Variants in INTS4 observed in about 807,000 individuals in gnomAD.
INTS4 encodes MSTP093.
A neutral mutation model predicts 119.5 loss-of-function variants in INTS4; 70 were observed. The observed-to-expected ratio is 0.59, with a 90% CI of 0.48 to 0.71. The LOEUF is 0.71. Ranked by LOEUF, INTS4 falls within the 30% of genes least tolerant of loss-of-function variation. The probability of loss-of-function intolerance (pLI) is 0.00; values close to 1 mark genes in which losing one functional copy is unlikely to be tolerated. For synonymous variants in INTS4, 316 were observed against 419.6 expected, an observed-to-expected ratio of 0.75 and a Z score of 3.02; for missense variants, 867 against 1,173.2, an observed-to-expected ratio of 0.74 and a Z score of 3.81.
At chr11:77,923,494 T>C (rs1283146370) in intron 12 of INTS4, among the ~76,000 whole-genome samples, 2 of 152,164 alleles carry the variant, frequency 1.3e-5, no homozygotes, top group African/African-American at 2.4e-5. Context: ...AAAAACATTC[T>C]GATTGATATC....
intron 4 of INTS4, among the ~76,000 whole-genome samples, chr11:77,966,432 G>T (rs535069487): frequency 6.6e-6 from 1 of 152,270 alleles, no homozygotes; most frequent in South Asian, 2.1e-4. Context: ...ACAGTTTCAG[G>T]TCGTATGTTT....
chr11:77,981,620 G>A, intron 2 of INTS4, 44 bp from the exon 3 acceptor site: 1 of 958,288 alleles, frequency 1.0e-6, no homozygotes, highest in Non-Finnish European at 1.6e-6. Flanking sequence ...TTTACACTTA[G>A]CTAACCAACA....
chr11:77,941,311 A>T (rs1206064445), intron 8 of INTS4, 60 bp from the exon 9 acceptor site: 1 of 1,576,618 alleles, frequency 6.3e-7, no homozygotes, highest in African/African-American at 1.4e-5. Context: ...CATTATCTTA[A>T]AATTCAGAGT....
chr11:77,933,513 C>G (rs900558195), intron 10 of INTS4, among the ~76,000 whole-genome samples: 5 of 152,218 alleles, frequency 3.3e-5, no homozygotes, highest in African/African-American at 1.2e-4. Context: ...GACGGAGTCT[C>G]GCTAATTCAG....
chr11:77,964,598 TAAATAA>T (rs984597542), intron 4 of INTS4, among the ~76,000 whole-genome samples: 1 of 150,490 alleles, frequency 6.6e-6, no homozygotes. Context: ...AAATAAAAAA[TAAATAA>T]AAATAAAAAT....
Position 77,911,089 on chromosome 11 carries a change from C to T in INTS4, c.1923-3279G>A, listed in dbSNP as rs1159910112. ...ATGACACTTCCTCCCATCTCATGCT[C>T]GGCAGGTAACGTTACGATAGTTAAC... On this transcript the variant is annotated intron_variant, in intron 15 of 22. Coordinates refer to ENST00000534064, the MANE Select transcript of INTS4 (RefSeq NM_033547.4). The T allele has an allele frequency of 4.7e-6, 6 of 1,285,586 alleles. No individual in the cohort carries two copies. In the African/African-American group the frequency reaches 6.1e-5, roughly 13 times the overall value. The allele number at this position is 1,285,586 out of a possible 1,614,324, so 79.6% of individuals were successfully genotyped here.
At chr11:77,931,926 T>A (rs951672339) in intron 10 of INTS4, among the ~76,000 whole-genome samples, 6 of 152,304 alleles carry the variant, frequency 3.9e-5, no homozygotes, top group African/African-American at 1.4e-4. Context: ...TTACACTTTA[T>A]ACAAAAATTA....
At chr11:77,965,365 T>C (rs1324471180) in intron 4 of INTS4, among the ~76,000 whole-genome samples, 1 of 152,170 alleles carries the variant, frequency 6.6e-6, no homozygotes, top group African/African-American at 2.4e-5. Context: ...CTTAGTTATT[T>C]TTAAATATAC....
intron 2 of INTS4, among the ~76,000 whole-genome samples, chr11:77,986,770 A>T (rs1185468602): frequency 1.4e-5 from 2 of 142,358 alleles, no homozygotes; most frequent in African/African-American, 5.2e-5. Context: ...TCTCACTCAT[A>T]GGTGGGAATT....
intron 15 of INTS4, among the ~76,000 whole-genome samples, chr11:77,915,702 T>C (rs1438957404): frequency 3.3e-5 from 5 of 152,186 alleles, no homozygotes; most frequent in Admixed American, 2.0e-4. Context: ...TTGGTACTTA[T>C]GGCATATACT....
At chr11:77,912,019 T>G (rs1415259133) in intron 15 of INTS4, among the ~76,000 whole-genome samples, 4 of 152,146 alleles carry the variant, frequency 2.6e-5, no homozygotes, top group Non-Finnish European at 5.9e-5. Flanking sequence ...TAAACTCTTT[T>G]CATTTATTTA....
At position 77,931,361 on chromosome 11, in the gene INTS4, A is replaced by G. The variant is rs564214268; in HGVS notation, c.1166-2814T>C. ...ATTTCATTCCCAGCAATGCATCCCTAAAACCCAAATTTTCCCAGAACTGTA... is the reference window on the plus strand; with the variant it reads ...ATTTCATTCCCAGCAATGCATCCCTGAAACCCAAATTTTCCCAGAACTGTA... On this transcript the variant is annotated intron_variant, in intron 10 of 22. Transcript: ENST00000534064. Among the ~76,000 whole-genome samples the G allele has an allele frequency of 6.6e-5, 10 of 152,348 alleles. No individual in the cohort carries two copies. In the South Asian group the frequency reaches 2.1e-3, roughly 32 times the overall value.
chr11:77,962,626 A>G (rs1209688159), intron 4 of INTS4, among the ~76,000 whole-genome samples: 1 of 152,228 alleles, frequency 6.6e-6, no homozygotes, highest in East Asian at 1.9e-4. Context: ...GCAAGACAGT[A>G]CATAAAAACA....
At chr11:77,981,402 T>C (rs761624687) in intron 3 of INTS4, 57 bp downstream of exon 3, 40 of 833,146 alleles carry the variant, frequency 4.8e-5, no homozygotes, top group Non-Finnish European at 6.1e-5. Context: ...CTAAATTCTA[T>C]ACAAAAAGAA....
In INTS4 at chr11:77,978,861, C is replaced by T. The variant is rs1856064379; in HGVS notation, c.471+135G>A. ...AAGGATGACGAAATACACTTTATAACAAGTGTACTTAACTTTATTCCTAAT... is the reference window on the plus strand; with the variant it reads ...AAGGATGACGAAATACACTTTATAATAAGTGTACTTAACTTTATTCCTAAT... On this transcript the variant is annotated intron_variant, in intron 4 of 22. Coordinates refer to ENST00000534064, the MANE Select transcript of INTS4 (RefSeq NM_033547.4). 3.3e-5 allele frequency: 19 copies of T among 572,566 alleles called. No homozygotes were observed. In the South Asian group the frequency reaches 3.9e-4, roughly 12 times the overall value. 35.5% of individuals were successfully genotyped at this position (572,566 alleles called of 1,614,324 possible). A position where few individuals can be genotyped will look rare whatever the true frequency, so the allele number is the denominator to read the frequency against.
At chr11:77,960,269 G>A in intron 6 of INTS4, 72 bp downstream of exon 6, 1 of 1,080,420 alleles carries the variant, frequency 9.3e-7, no homozygotes, top group Admixed American at 1.8e-5. Context: ...TTCAAATTCT[G>A]AGAACCTGTG....
At chr11:77,958,272 A>G (rs1248718556) in intron 7 of INTS4, among the ~76,000 whole-genome samples, 1 of 151,686 alleles carries the variant, frequency 6.6e-6, no homozygotes, top group East Asian at 1.9e-4. Flanking sequence ...CTTACAAAAT[A>G]TAATAAATAA....
intron 10 of INTS4, among the ~76,000 whole-genome samples, chr11:77,936,059 AAAT>A (rs1046627111): frequency 4.6e-5 from 7 of 151,984 alleles, no homozygotes; most frequent in Non-Finnish European, 1.0e-4. Context: ...CAAAGCTCAA[AAAT>A]ATTTAAAGGA....
chr11:77,982,982 A>G (rs926111303), intron 2 of INTS4, among the ~76,000 whole-genome samples: 1 of 152,218 alleles, frequency 6.6e-6, no homozygotes, highest in African/African-American at 2.4e-5. Flanking sequence ...TAACTTTAGA[A>G]AAGTCACTTT....
Sources: allele counts gnomAD v4.1 joint callset (sites outside exome capture counted in the v4.1 genomes callset), GRCh38; gene constraint gnomAD v4.1.1; transcripts MANE v1.5; gene names NCBI Gene and HGNC (gene_info 2026-07-23, HGNC 2026-07-21).